Variants in PALLD observed in about 807,000 individuals in gnomAD.
The protein encoded by PALLD is palladin.
A neutral mutation model predicts 123.5 loss-of-function variants in PALLD; 61 were observed. That is an observed-to-expected ratio of 0.49 (90% CI 0.40 to 0.61). The LOEUF is 0.61. PALLD is among the 20% of genes least tolerant of loss of function. The pLI, the probability that PALLD is intolerant of heterozygous loss-of-function variation, is 0.00. For missense variants in PALLD, 1,273 were observed against 1,377.0 expected (o/e 0.92, Z 1.20); for synonymous variants, 465 against 496.4 (o/e 0.94, Z 0.84).
intron 2 of PALLD, among the ~76,000 whole-genome samples, chr4:168,619,547 G>T (rs778333143): frequency 1.3e-5 from 2 of 152,218 alleles, no homozygotes; most frequent in Non-Finnish European, 1.5e-5. Context: ...TCTGGAAAGA[G>T]TTGTGTGATT....
chr4:168,922,377 T>TTTA, intron 18 of PALLD, among the ~76,000 whole-genome samples: 1 of 152,178 alleles, frequency 6.6e-6, no homozygotes, highest in East Asian at 1.9e-4. Context: ...TAACAAAACA[T>TTTA]TTATTTCTTC....
chr4:168,890,517 T>C (rs150105670), intron 10 of PALLD, among the ~76,000 whole-genome samples: 1,578 of 152,284 alleles, frequency 0.01, 13 homozygotes, highest in South Asian at 0.018. Context: ...CCTCTCAACA[T>C]TCATATGTGG....
chr4:168,677,275 G>C (rs1780954378), intron 3 of PALLD, among the ~76,000 whole-genome samples: 1 of 151,952 alleles, frequency 6.6e-6, no homozygotes, highest in Non-Finnish European at 1.5e-5. Flanking sequence ...GGAAGGCAGG[G>C]AACTGGCTGG....
intron 10 of PALLD, among the ~76,000 whole-genome samples, chr4:168,842,965 C>T (rs1028031424): frequency 6.6e-6 from 1 of 152,122 alleles, no homozygotes; most frequent in Non-Finnish European, 1.5e-5. Context: ...GTGCTCGTTA[C>T]CCAAAAAATG....
intron 2 of PALLD, among the ~76,000 whole-genome samples, chr4:168,649,460 C>T (rs929168673): frequency 6.6e-6 from 1 of 152,164 alleles, no homozygotes; most frequent in Non-Finnish European, 1.5e-5. Context: ...ACCCAGGTGT[C>T]ATGGAAGTGC....
At chr4:168,674,041 A>G (rs1780583713) in intron 3 of PALLD, among the ~76,000 whole-genome samples, 1 of 151,946 alleles carries the variant, frequency 6.6e-6, no homozygotes, top group Non-Finnish European at 1.5e-5. Context: ...CAGCCTCCCA[A>G]ATAGCTGGGA....
intron 10 of PALLD, chr4:168,877,623 G>GC (rs1478698554): frequency 2.0e-6 from 1 of 490,228 alleles, no homozygotes; most frequent in Admixed American, 5.7e-5. Flanking sequence ...TCTGCAGCTG[G>GC]CCTAAGTGCC....
chr4:168,850,460 C>A (rs117022656), intron 10 of PALLD, among the ~76,000 whole-genome samples: 1 of 144,492 alleles, frequency 6.9e-6, no homozygotes, highest in Non-Finnish European at 1.5e-5. Flanking sequence ...GGAAAAAATG[C>A]GGTATACTGT....
At chr4:168,829,954 AGGTGCAGTG>A (rs1743960341) in intron 10 of PALLD, among the ~76,000 whole-genome samples, 1 of 152,220 alleles carries the variant, frequency 6.6e-6, no homozygotes, top group Admixed American at 6.5e-5. Context: ...GTTACAGGCC[AGGTGCAGTG>A]GGTCATGCCT....
chr4:168,717,195 C>G (rs570982774), intron 10 of PALLD, among the ~76,000 whole-genome samples: 19 of 152,118 alleles, frequency 1.2e-4, no homozygotes, highest in Non-Finnish European at 2.2e-4. Context: ...TGCTCTTTCA[C>G]TAGGACCCTA....
At chr4:168,547,372 A>G (rs1167688381) in intron 2 of PALLD, among the ~76,000 whole-genome samples, 1 of 151,812 alleles carries the variant, frequency 6.6e-6, no homozygotes, top group Admixed American at 6.6e-5. Context: ...TGTGGCCAGC[A>G]TAACACCGCC....
intron 10 of PALLD, among the ~76,000 whole-genome samples, chr4:168,797,517 C>T (rs1738683458): frequency 6.6e-6 from 1 of 152,108 alleles, no homozygotes; most frequent in African/African-American, 2.4e-5. Context: ...AAATTTGAGG[C>T]ATTTTTGCCT....
chr4:168,639,746 G>A (rs183261375), intron 2 of PALLD, among the ~76,000 whole-genome samples: 287 of 151,960 alleles, frequency 1.9e-3, no homozygotes, highest in African/African-American at 4.8e-3. Flanking sequence ...GGGTTTCACC[G>A]TGTTAGCCAG....
chr4:168,532,914 A>G lies in PALLD; in HGVS notation c.908+20502A>G, dbSNP rs140582971. On this transcript the variant is annotated intron_variant, in intron 2 of 21. Transcript: ENST00000505667. ...AAGACACATCAATCAAGCATTGGGC[A>G]GGATAGATGTTTAAAAAATAATAAA... Among the ~76,000 whole-genome samples, 1,250 of 152,318 alleles carry G rather than the reference A, an allele frequency of 8.2e-3. 13 individuals carry two copies. Among genetic ancestry groups the G allele is most frequent in the African/African-American group, 0.029 (1,195 of 41,570 alleles).
chr4:168,851,199 C>T (rs1417466949), intron 10 of PALLD, among the ~76,000 whole-genome samples: 2 of 152,162 alleles, frequency 1.3e-5, no homozygotes, highest in African/African-American at 4.8e-5. Flanking sequence ...TCTGGCTTAC[C>T]TTTATTTTCT....
At chr4:168,631,704 C>G (rs1209894995) in intron 2 of PALLD, 1 of 985,382 alleles carries the variant, frequency 1.0e-6, no homozygotes. Context: ...CCGGCGGGGC[C>G]CAGGACCTCT....
chr4:168,623,573 C>T (rs1447844550), intron 2 of PALLD, among the ~76,000 whole-genome samples: 4 of 152,228 alleles, frequency 2.6e-5, no homozygotes, highest in East Asian at 1.9e-4. Flanking sequence ...AGGATGGAGG[C>T]GGCGAACTGC....
At chr4:168,736,546 C>T (rs954006403) in intron 10 of PALLD, among the ~76,000 whole-genome samples, 10 of 152,108 alleles carry the variant, frequency 6.6e-5, no homozygotes, top group Admixed American at 1.3e-4. Context: ...AACGGTGTCT[C>T]GGGTCAATTT....
intron 2 of PALLD, among the ~76,000 whole-genome samples, chr4:168,618,694 G>A (rs555073369): frequency 6.6e-6 from 1 of 152,328 alleles, no homozygotes; most frequent in Admixed American, 6.5e-5. Context: ...GTCCATCATA[G>A]TCTGAAGCTC....
Sources: allele counts gnomAD v4.1 joint callset (sites outside exome capture counted in the v4.1 genomes callset), GRCh38; gene constraint gnomAD v4.1.1; transcripts MANE v1.5; gene names NCBI Gene and HGNC (gene_info 2026-07-23, HGNC 2026-07-21).